PRKCA: variants seen among roughly 807,000 people sequenced by gnomAD.
The protein encoded by PRKCA is protein kinase C alpha type.
Under a neutral mutation model 87.0 loss-of-function variants are expected in PRKCA, and 27 were observed. That is an observed-to-expected ratio of 0.31 (90% CI 0.23 to 0.43). The LOEUF (loss-of-function observed/expected upper bound fraction) is 0.43, where lower values mean the gene tolerates loss of function less well. Ranked by LOEUF, PRKCA falls within the 20% of genes least tolerant of loss-of-function variation. PRKCA has a pLI of 1.00. For missense variants in PRKCA, 518 were observed against 852.3 expected (o/e 0.61, Z 4.88); for synonymous variants, 329 against 311.1 (o/e 1.06, Z -0.61).
chr17:66,687,319 C>T, intron 6 of PRKCA, 52 bp downstream of exon 6: 1 of 1,546,538 alleles, frequency 6.5e-7, no homozygotes, highest in Non-Finnish European at 8.8e-7. Flanking sequence ...ATGCAGTTGC[C>T]CACCTCATTA....
chr17:66,741,537 G>A, intron 11 of PRKCA, 122 bp from the exon 12 acceptor site: 1 of 1,005,100 alleles, frequency 9.9e-7, no homozygotes, highest in Non-Finnish European at 1.5e-6. Context: ...ACACGATGCT[G>A]GTCTCTGAGA....
At chr17:66,747,887 G>GC (rs1974334772) in intron 13 of PRKCA, among the ~76,000 whole-genome samples, 1 of 152,218 alleles carries the variant, frequency 6.6e-6, no homozygotes, top group Non-Finnish European at 1.5e-5. Context: ...TATTCAGGGT[G>GC]CCCCCCGAGT....
intron 2 of PRKCA, among the ~76,000 whole-genome samples, chr17:66,409,058 A>G (rs887552753): frequency 6.6e-6 from 1 of 150,684 alleles, no homozygotes; most frequent in Admixed American, 6.6e-5. Context: ...AAAAAAAAGA[A>G]GAAGAATAAA....
intron 3 of PRKCA, among the ~76,000 whole-genome samples, chr17:66,510,986 A>G (rs567503156): frequency 6.6e-6 from 1 of 152,216 alleles, no homozygotes; most frequent in African/African-American, 2.4e-5. Flanking sequence ...TACTCCGGTG[A>G]TCTGCCCACC....
chr17:66,370,602 G>A (rs1221107296), intron 2 of PRKCA, among the ~76,000 whole-genome samples: 1 of 135,702 alleles, frequency 7.4e-6, no homozygotes, highest in Non-Finnish European at 1.5e-5. Context: ...CCCAAGATGC[G>A]TGTAGTGGTG....
chr17:66,615,742 C>T (rs952767705), intron 3 of PRKCA, among the ~76,000 whole-genome samples: 9 of 152,066 alleles, frequency 5.9e-5, no homozygotes, highest in South Asian at 2.1e-4. Flanking sequence ...AAGGGCATTC[C>T]GTCGGCAGTC....
At chr17:66,336,786 GTGTGTGT>G (rs1906715472) in intron 2 of PRKCA, among the ~76,000 whole-genome samples, 1 of 137,218 alleles carries the variant, frequency 7.3e-6, no homozygotes, top group Admixed American at 7.0e-5. Flanking sequence ...GTGTGTGTGT[GTGTGTGT>G]GTGTGTGTGT....
At chr17:66,455,897 G>A (rs142900529) in intron 2 of PRKCA, among the ~76,000 whole-genome samples, 79 of 152,188 alleles carry the variant, frequency 5.2e-4, no homozygotes, top group African/African-American at 1.9e-3. Flanking sequence ...CAAAATTCAT[G>A]CTCGTCCAGA....
intron 2 of PRKCA, among the ~76,000 whole-genome samples, chr17:66,389,769 G>A (rs1910263864): frequency 6.6e-6 from 1 of 152,234 alleles, no homozygotes; most frequent in African/African-American, 2.4e-5. Context: ...TTTGATGTTG[G>A]TTGAGAAAAT....
intron 3 of PRKCA, among the ~76,000 whole-genome samples, chr17:66,582,253 C>T (rs1200957636): frequency 4.6e-5 from 7 of 152,198 alleles, no homozygotes; most frequent in Non-Finnish European, 1.5e-5. Flanking sequence ...AACTCAAGGA[C>T]TTCTGTGCTA....
rs62070458 is a variant in PRKCA at position 66,480,081 on chromosome 17, T to A, written c.206-16120T>A. ...TTTTTAAATTCATTTTGTCTTATAT[T>A]TTCTGGCATGCAGTTTGGAAAGGTA... On this transcript the variant is annotated intron_variant, in intron 2 of 16. Transcript: ENST00000413366. Among the ~76,000 whole-genome samples, 1,450 of 152,344 alleles carry A rather than the reference T, an allele frequency of 9.5e-3. 7 individuals are homozygous for A. The highest frequency in any genetic ancestry group is 0.022 in the South Asian group (108 of 4,826).
At chr17:66,352,558 G>GTGTT (rs1907807080) in intron 2 of PRKCA, among the ~76,000 whole-genome samples, 1 of 83,758 alleles carries the variant, frequency 1.2e-5, no homozygotes, top group Non-Finnish European at 2.1e-5. Flanking sequence ...GTTTTTTGAG[G>GTGTT]TTTTTTTTTT....
chr17:66,353,329 C>A (rs898700240), intron 2 of PRKCA, among the ~76,000 whole-genome samples: 4 of 152,044 alleles, frequency 2.6e-5, no homozygotes, highest in African/African-American at 9.7e-5. Context: ...GGCTGTGTGC[C>A]GAATTTTATG....
At chr17:66,563,010 C>T (rs899009778) in intron 3 of PRKCA, among the ~76,000 whole-genome samples, 4 of 152,006 alleles carry the variant, frequency 2.6e-5, no homozygotes, top group Non-Finnish European at 4.4e-5. Flanking sequence ...CTATTTCATC[C>T]TGTTAGCTTT....
At chr17:66,782,845 G>A (rs1975274377) in intron 14 of PRKCA, among the ~76,000 whole-genome samples, 1 of 152,142 alleles carries the variant, frequency 6.6e-6, no homozygotes, top group African/African-American at 2.4e-5. Flanking sequence ...TGCTCATAAT[G>A]GCTAAGAGCC....
chr17:66,456,077 T>C (rs1408573054), intron 2 of PRKCA, among the ~76,000 whole-genome samples: 1 of 149,794 alleles, frequency 6.7e-6, no homozygotes, highest in East Asian at 1.9e-4. Flanking sequence ...GAGGCAGAGA[T>C]TGGAACGATG....
intron 16 of PRKCA, among the ~76,000 whole-genome samples, chr17:66,795,981 GT>G (rs1975656110): frequency 1.3e-5 from 2 of 152,218 alleles, no homozygotes; most frequent in African/African-American, 4.8e-5. Context: ...CCAGAAGAGA[GT>G]TTTCCCTTTC....
At chr17:66,336,754 TTGTGTGTGTGTGTGTGTGTGTGTGTG>T (rs148842588) in intron 2 of PRKCA, among the ~76,000 whole-genome samples, 1 of 133,736 alleles carries the variant, frequency 7.5e-6, no homozygotes, top group South Asian at 2.7e-4. Context: ...GCAAATAAGT[TTGTGTGTGTGTGTGTGTGTGTGTGTG>T]TGTGTGTGTG....
At chr17:66,373,456 C>T (rs1386979625) in intron 2 of PRKCA, among the ~76,000 whole-genome samples, 1 of 152,180 alleles carries the variant, frequency 6.6e-6, no homozygotes, top group Non-Finnish European at 1.5e-5. Context: ...CATTACTGCA[C>T]CTGGGGCAGT....
Sources: allele counts gnomAD v4.1 joint callset (sites outside exome capture counted in the v4.1 genomes callset), GRCh38; gene constraint gnomAD v4.1.1; transcripts MANE v1.5; gene names NCBI Gene and HGNC (gene_info 2026-07-23, HGNC 2026-07-21).